The following UTP4 variants were observed in gnomAD, a reference collection of about 807,000 sequenced individuals.
The protein encoded by UTP4 is UTP4 small subunit processome component, also known as U3 small nucleolar RNA-associated protein 4 homolog.
In UTP4, 45 loss-of-function variants were observed where a neutral mutation model predicts 82.4. That is an observed-to-expected ratio of 0.55 (90% CI 0.43 to 0.70). The LOEUF (loss-of-function observed/expected upper bound fraction) is 0.70. Ranked by LOEUF, UTP4 falls within the 30% of genes least tolerant of loss-of-function variation. The pLI is 0.00. For missense variants in UTP4, 819 were observed against 858.3 expected (o/e 0.95, Z 0.57); for synonymous variants, 348 against 300.3 (o/e 1.16, Z -1.64).
At chr16:69,161,964 A>G (rs573484009) in intron 13 of UTP4, among the ~76,000 whole-genome samples, 57 of 150,520 alleles carry the variant, frequency 3.8e-4, no homozygotes, top group Non-Finnish European at 1.9e-4. Flanking sequence ...CGCCCAGCCA[A>G]TAGGCCTTTT....
chr16:69,154,434 C>G lies in UTP4; in HGVS notation c.1141C>G (p.His381Asp). Reference protein sequence around the residue: ...DTLPLSKNADHLLHLKTKGPE... With the variant: ...DTLPLSKNADDLLHLKTKGPE... ...TCTTCCACTCTCTAAAAATGCAGAT[C>G]ATTTACTGCACCTAAAGACAAAGGT... Residue 381 changes from histidine (H) to aspartate (D), a missense_variant, in exon 10 of 17, where the codon CAT becomes GAT. Coordinates refer to ENST00000314423, the MANE Select transcript of UTP4 (RefSeq NM_032830.3). 1 of 1,612,662 alleles carries G rather than the reference C, an allele frequency of 6.2e-7. No individual in the cohort carries two copies. Among genetic ancestry groups the G allele is most frequent in the Non-Finnish European group, 8.5e-7 (1 of 1,178,712 alleles).
intron 11 of UTP4, 138 bp downstream of exon 11, chr16:69,156,131 A>G (rs1395008538): frequency 1.2e-6 from 1 of 861,312 alleles, no homozygotes. Context: ...GCTGTTATGA[A>G]ACAGTGTTTT....
At chr16:69,139,941 G>C in intron 5 of UTP4, 27 bp downstream of exon 5, 1 of 1,525,934 alleles carries the variant, frequency 6.6e-7, no homozygotes, top group Non-Finnish European at 9.1e-7. Flanking sequence ...GTTCATTTGG[G>C]GTGTGGGTTT....
At chr16:69,151,978 C>T (rs1404124490) in intron 8 of UTP4, among the ~76,000 whole-genome samples, 1 of 151,248 alleles carries the variant, frequency 6.6e-6, no homozygotes, top group Admixed American at 6.6e-5. Context: ...ATTGAGTCTA[C>T]TCATCAGTAT....
intron 10 of UTP4, among the ~76,000 whole-genome samples, chr16:69,155,077 C>A (rs187505870): frequency 6.6e-6 from 1 of 152,114 alleles, no homozygotes; most frequent in East Asian, 1.9e-4. Context: ...AAAAAAAAAT[C>A]ATTTTGTGAG....
chr16:69,138,861 C>A (rs1267571008), intron 4 of UTP4, among the ~76,000 whole-genome samples: 1 of 152,100 alleles, frequency 6.6e-6, no homozygotes, highest in Non-Finnish European at 1.5e-5. Flanking sequence ...GTTTGGTGAC[C>A]CATCTTCTAG....
chr16:69,141,109 C>T (rs751727998), intron 5 of UTP4, among the ~76,000 whole-genome samples: 1 of 152,190 alleles, frequency 6.6e-6, no homozygotes, highest in Admixed American at 6.5e-5. Context: ...AGGTTCAAGT[C>T]CATCTGATTT....
At chr16:69,164,519 G>C (rs911398787) in intron 14 of UTP4, among the ~76,000 whole-genome samples, 1 of 148,928 alleles carries the variant, frequency 6.7e-6, no homozygotes, top group Non-Finnish European at 1.5e-5. Context: ...AGGACATGTT[G>C]GCAATACCTT....
intron 5 of UTP4, 28 bp downstream of exon 5, chr16:69,139,942 G>T (rs754114770): frequency 2.0e-6 from 3 of 1,524,220 alleles, no homozygotes; most frequent in African/African-American, 2.7e-5. Flanking sequence ...TTCATTTGGG[G>T]TGTGGGTTTT....
rs567793692 is a variant in UTP4, at chr16:69,133,798, G to A, written c.159+180G>A. Among the ~76,000 whole-genome samples, 14 of 152,292 alleles carry A rather than the reference G, an allele frequency of 9.2e-5. No homozygotes were observed. In the South Asian group the frequency reaches 2.7e-3, roughly 29 times the overall value. ...TAAGAGAAGCTCAGTTTCAATCTGT[G>A]TAATGTTGATTAGAAGGGTCCTACC... On this transcript the variant is annotated intron_variant, in intron 2 of 16. Transcript: ENST00000314423.
At chr16:69,149,021 G>A (rs893574256) in intron 6 of UTP4, among the ~76,000 whole-genome samples, 3 of 151,706 alleles carry the variant, frequency 2.0e-5, no homozygotes, top group Non-Finnish European at 4.4e-5. Flanking sequence ...TGAGGCGGGC[G>A]GATCACCTGA....
In UTP4 at chr16:69,163,800, T is replaced by C. The variant is rs997890084; in HGVS notation, c.1647+622T>C. Among the ~76,000 whole-genome samples the C allele has an allele frequency of 3.9e-5, 6 of 152,026 alleles. No individual in the cohort carries two copies. In the East Asian group the frequency reaches 1.2e-3, roughly 29 times the overall value. ...GATGTTAATATCTACCTCACTGAGC[T>C]GTTGGGAAGATTAAATGTAATCCAG... On this transcript the variant is annotated intron_variant, in intron 14 of 16. Transcript: ENST00000314423.
rs1012252507 is a variant in UTP4, at chr16:69,163,072, T to C, written c.1552-11T>C. 18 of 1,610,558 alleles carry C rather than the reference T, an allele frequency of 1.1e-5. No homozygotes were observed. In the Admixed American group the frequency reaches 1.7e-4, roughly 15 times the overall value. ...TTAGAGTTGCCACTTGTGTCTGTTA[T>C]TTGTTCCCAGCTTCACTGCACGGTG... is the stretch of plus-strand genomic sequence containing the variant. On this transcript the variant is annotated splice_polypyrimidine_tract_variant and intron_variant, in intron 13 of 16. Transcript: ENST00000314423.
At position 69,165,517 on chromosome 16, in the gene UTP4, C is replaced by T; in HGVS notation, c.1824C>T (p.Asp608=). 1 of 1,613,698 alleles carries T rather than the reference C, an allele frequency of 6.2e-7. No individual in the cohort carries two copies. The highest frequency in any genetic ancestry group is 8.5e-7 in the Non-Finnish European group (1 of 1,179,608). The change falls in exon 15 of 17, where the codon GAC becomes GAT. Residue 608 remains aspartate (D), a synonymous_variant. Coordinates refer to ENST00000314423, the MANE Select transcript of UTP4 (RefSeq NM_032830.3). ...ATGCCTACATGTTCTGCATCATTGA[C>T]AAGTCATTGGTGAGTTCTTCACTGC... is the stretch of plus-strand genomic sequence containing the variant. ...LHDAYMFCII[D]KSLPLPNDKT...
intron 1 of UTP4, chr16:69,133,040 C>A (rs1962682264): frequency 7.5e-6 from 2 of 265,082 alleles, no homozygotes; most frequent in Non-Finnish European, 1.5e-5. Flanking sequence ...GACCAGGCAG[C>A]CAGATTAAGT....
intron 5 of UTP4, 43 bp downstream of exon 5, chr16:69,139,957 G>T: frequency 7.1e-7 from 1 of 1,407,622 alleles, no homozygotes. Context: ...GGTTTTGTCA[G>T]ATTCACATTT....
intron 15 of UTP4, chr16:69,165,913 G>A (rs569111020): frequency 1.0e-4 from 37 of 361,704 alleles, no homozygotes; most frequent in Non-Finnish European, 1.1e-4. Flanking sequence ...TGGGGTATCT[G>A]AATAACCTGG....
intron 4 of UTP4, among the ~76,000 whole-genome samples, chr16:69,138,478 G>GT (rs1376379995): frequency 2.0e-5 from 3 of 152,144 alleles, no homozygotes; most frequent in Non-Finnish European, 4.4e-5. Context: ...TCTTACTCAA[G>GT]TGATCCACCT....
chr16:69,146,050 G>A (rs562071796), intron 6 of UTP4, among the ~76,000 whole-genome samples: 1 of 150,772 alleles, frequency 6.6e-6, no homozygotes, highest in East Asian at 1.9e-4. Flanking sequence ...GCAGTGAGCC[G>A]AGATTGTGCC....
Sources: gnomAD v4.1 joint callset for allele counts (sites outside exome capture counted in the v4.1 genomes callset) on GRCh38, gnomAD v4.1.1 for gene constraint, MANE v1.5 for transcripts, NCBI Gene and HGNC (gene_info 2026-07-23, HGNC 2026-07-21) for gene names.